The following PARVG variants were observed in gnomAD, a reference collection of about 807,000 sequenced individuals.
The protein encoded by PARVG is gamma-parvin.
In PARVG, 36 loss-of-function variants were observed where a neutral mutation model predicts 44.4. That is an observed-to-expected ratio of 0.81 (90% CI 0.62 to 1.07). The LOEUF (loss-of-function observed/expected upper bound fraction) is 1.07. Among genes scored for constraint, PARVG ranks in the 50% least tolerant of loss-of-function variants. The pLI, the probability that PARVG is intolerant of heterozygous loss-of-function variation, is 0.00. For missense variants in PARVG, 407 were observed against 407.4 expected (o/e 1.00, Z 0.01); for synonymous variants, 170 against 174.1 (o/e 0.98, Z 0.19).
intron 10 of PARVG, 25 bp from the exon 11 acceptor site, chr22:44,196,322 T>G (rs1230115133): frequency 6.2e-7 from 1 of 1,614,190 alleles, no homozygotes; most frequent in African/African-American, 1.3e-5. Flanking sequence ...TGCTGTGTGC[T>G]AGGCCCTTGT....
At chr22:44,189,001 T>A in intron 5 of PARVG, 113 bp from the exon 6 acceptor site, 1 of 1,441,290 alleles carries the variant, frequency 6.9e-7, no homozygotes, top group Non-Finnish European at 9.5e-7. Context: ...GAATGGGCTC[T>A]CCAGACCCAT....
At chr22:44,175,684 T>TG (rs953023674) in intron 1 of PARVG, among the ~76,000 whole-genome samples, 15 of 118,330 alleles carry the variant, frequency 1.3e-4, no homozygotes, top group South Asian at 6.2e-4. Flanking sequence ...GCGTTGGGTG[T>TG]GGGGGGGTGG....
intron 3 of PARVG, chr22:44,184,842 C>T (rs535018044): frequency 6.6e-6 from 1 of 152,200 alleles, no homozygotes; most frequent in Admixed American, 6.5e-5. Flanking sequence ...AATAGTAGGA[C>T]TTAGTTACTA....
Position 44,190,595 on chromosome 22 carries a change from G to C in PARVG, c.433G>C (p.Ala145Pro). The change falls in exon 7 of 14, where the codon GCC becomes CCC. Residue 145 changes from alanine (A) to proline (P), a missense_variant. By Grantham distance (27) the Ala-to-Pro change is conservative. Transcript: ENST00000444313. ...DLLSTLHLLV[A>P]LAKRFQPDLS... Reference sequence around the variant, plus strand: ...GTTGTCTACCCTGCACCTCCTTGTGGCCCTGGCCAAGCGCTTCCAGCCCGA... The same window carrying C: ...GTTGTCTACCCTGCACCTCCTTGTGCCCCTGGCCAAGCGCTTCCAGCCCGA... 1 of 1,614,114 alleles carries C rather than the reference G, an allele frequency of 6.2e-7. No homozygotes were observed. The highest frequency in any genetic ancestry group is 8.5e-7 in the Non-Finnish European group (1 of 1,179,986).
At chr22:44,174,558 CAA>C (rs202194271) in intron 1 of PARVG, among the ~76,000 whole-genome samples, 57,024 of 146,190 alleles carry the variant, frequency 0.39, 11,040 homozygotes, top group Admixed American at 0.43. Flanking sequence ...AACAAACAAA[CAA>C]AAAAAAAAAC....
At chr22:44,184,945 A>G (rs2054442138) in intron 3 of PARVG, 1 of 152,242 alleles carries the variant, frequency 6.6e-6, no homozygotes, top group African/African-American at 2.4e-5. Flanking sequence ...GGGACATTGG[A>G]TGATTCAAGC....
Position 44,180,937 on chromosome 22 carries a change from C to T in PARVG, c.-437C>T. 2.0e-6 allele frequency: 2 copies of T among 985,376 alleles called. No homozygotes were observed. The highest frequency in any genetic ancestry group is 2.4e-6 in the Non-Finnish European group (2 of 829,918). The allele number at this position is 985,376 out of a possible 1,614,324, so 61.0% of individuals were successfully genotyped here. A position where few individuals can be genotyped will look rare whatever the true frequency, so the allele number is the denominator to read the frequency against. On this transcript the variant is annotated 5_prime_UTR_variant, in exon 1 of 14. Transcript: ENST00000444313. Reference sequence around the variant, plus strand: ...TGGTGAAGATTCCAGCTTGAGAGACCAGCTCGGGTCTGAAGTGTTTCTCTA... The same window carrying T: ...TGGTGAAGATTCCAGCTTGAGAGACTAGCTCGGGTCTGAAGTGTTTCTCTA...
rs367869887 is a variant in PARVG, at chr22:44,189,079, G to A, written c.248-35G>A. ...CTGAGGTGCTCTCTGGTCTGTCCCCGGCCAGGGGTCCTCACCACCCTCTCC... is the reference window on the plus strand; with the variant it reads ...CTGAGGTGCTCTCTGGTCTGTCCCCAGCCAGGGGTCCTCACCACCCTCTCC... On this transcript the variant is annotated intron_variant, in intron 5 of 13. Coordinates refer to ENST00000444313, the MANE Select transcript of PARVG (RefSeq NM_022141.7). The A allele has an allele frequency of 5.2e-4, 837 of 1,613,188 alleles. 3 individuals carry two copies. The highest frequency in any genetic ancestry group is 9.6e-4 in the African/African-American group (72 of 75,048).
intron 12 of PARVG, among the ~76,000 whole-genome samples, chr22:44,203,379 G>A (rs1359661344): frequency 6.6e-6 from 1 of 152,104 alleles, no homozygotes; most frequent in Admixed American, 6.6e-5. Context: ...AGGTTCATGC[G>A]GCCCACCAAC....
rs142266013 is a variant in PARVG, at chr22:44,183,513, C to T, written c.79+105C>T. 1.5e-4 allele frequency: 172 copies of T among 1,114,272 alleles called. No individual in the cohort carries two copies. In the African/African-American group the frequency reaches 1.7e-3, roughly 11 times the overall value. 69.0% of individuals were successfully genotyped at this position (1,114,272 alleles called of 1,614,324 possible). A position where few individuals can be genotyped will look rare whatever the true frequency, so the allele number is the denominator to read the frequency against. On this transcript the variant is annotated intron_variant, in intron 3 of 13. Coordinates refer to ENST00000444313, the MANE Select transcript of PARVG (RefSeq NM_022141.7). ...AGCACCTTCCCAGCTGTCAGCTGAG[C>T]GCCCAATTCTGCTCACCCCTGCCTC... is the stretch of plus-strand genomic sequence containing the variant.
intron 8 of PARVG, among the ~76,000 whole-genome samples, chr22:44,192,344 T>C (rs1279757497): frequency 6.6e-6 from 1 of 152,098 alleles, no homozygotes; most frequent in Non-Finnish European, 1.5e-5. Flanking sequence ...CTTTGTTTTC[T>C]AGGGTGGGGG....
intron 12 of PARVG, among the ~76,000 whole-genome samples, chr22:44,202,842 T>C (rs1174171720): frequency 6.6e-6 from 1 of 152,186 alleles, no homozygotes; most frequent in Non-Finnish European, 1.5e-5. Context: ...AAGTTAAGGA[T>C]GGAGGGAGAG....
chr22:44,194,667 T>TATCCATCC (rs539985877), intron 9 of PARVG, among the ~76,000 whole-genome samples: 2 of 132,454 alleles, frequency 1.5e-5, no homozygotes, highest in African/African-American at 5.7e-5. Context: ...TCCATCAACC[T>TATCCATCC]ATCCATCCAT....
chr22:44,185,281 T>C (rs193037915), intron 3 of PARVG: 1 of 155,426 alleles, frequency 6.4e-6, no homozygotes, highest in East Asian at 1.9e-4. Context: ...CTAGTTGATC[T>C]CAGAGGTCCT....
intron 12 of PARVG, among the ~76,000 whole-genome samples, chr22:44,199,999 G>T (rs991263011): frequency 6.6e-6 from 1 of 152,122 alleles, no homozygotes; most frequent in Non-Finnish European, 1.5e-5. Context: ...AGTGATGGAG[G>T]TGGGGTGAGA....
upstream of PARVG, among the ~76,000 whole-genome samples, chr22:44,176,042 T>G (rs2054316345): frequency 6.6e-6 from 1 of 152,210 alleles, no homozygotes; most frequent in African/African-American, 2.4e-5. Context: ...GGTTCTGATG[T>G]TCTCGATGGC....
At chr22:44,188,918 A>T in intron 5 of PARVG, 196 bp from the exon 6 acceptor site, 1 of 648,336 alleles carries the variant, frequency 1.5e-6, no homozygotes, top group Non-Finnish European at 2.6e-6. Context: ...TGTTCTGTGT[A>T]GATGAGGGTC....
rs957144856 is a variant in PARVG at position 44,186,402 on chromosome 22, G to C, written c.144+530G>C. On this transcript the variant is annotated intron_variant, in intron 4 of 13. Transcript: ENST00000444313. ...CCAGCTCGGCACAGGTGGGCTCCAG[G>C]CCTCTGTTTCCCTCAGCGTCTGTGT... 1.5e-4 allele frequency: 55 copies of C among 372,124 alleles called. No homozygotes were observed. In the Admixed American group the frequency reaches 1.8e-3, roughly 12 times the overall value. The allele number at this position is 372,124 out of a possible 1,614,324, so 23.1% of individuals were successfully genotyped here.
rs1027635701 is a variant in PARVG, at chr22:44,183,363, C to G, written c.34C>G (p.Leu12Val). 6.2e-7 allele frequency: 1 copy of G among 1,610,316 alleles called. No homozygotes were observed. Among genetic ancestry groups the G allele is most frequent in the Non-Finnish European group, 8.5e-7 (1 of 1,178,970 alleles). ...GGAGTTCTTGTACGACCTGCTGCAG[C>G]TCCCCAAGGGGGTGGAGCCCCCAGC... is the stretch of plus-strand genomic sequence containing the variant. ...EPEFLYDLLQ[L>V]PKGVEPPAEE... Residue 12 changes from leucine (L) to valine (V), a missense_variant, in exon 3 of 14, where the codon CTC becomes GTC. Leu to Val is a conservative substitution (Grantham distance 32). Transcript: ENST00000444313.
Sources: gnomAD v4.1 joint callset for allele counts (sites outside exome capture counted in the v4.1 genomes callset) on GRCh38, gnomAD v4.1.1 for gene constraint, MANE v1.5 for transcripts, NCBI Gene and HGNC (gene_info 2026-07-23, HGNC 2026-07-21) for gene names.